The following CNTN6 variants were observed in gnomAD, a reference collection of about 807,000 sequenced individuals.
CNTN6 encodes the protein contactin-6.
Under a neutral mutation model 122.8 loss-of-function variants are expected in CNTN6, and 137 were observed. The observed-to-expected ratio is 1.12, with a 90% CI of 0.97 to 1.29. The LOEUF is 1.29. CNTN6 is among the 50% of genes most tolerant of loss of function. The probability of loss-of-function intolerance (pLI) is 0.00; values close to 1 mark genes in which losing one functional copy is unlikely to be tolerated. For missense variants in CNTN6, 1,634 were observed against 1,223.4 expected (o/e 1.34, Z -5.01); for synonymous variants, 570 against 426.0 (o/e 1.34, Z -4.16).
chr3:1,317,387 G>A (rs1264868548), intron 7 of CNTN6, among the ~76,000 whole-genome samples: 1 of 151,704 alleles, frequency 6.6e-6, no homozygotes, highest in African/African-American at 2.4e-5. Context: ...TGTCAGGTCT[G>A]TTCTGGATGA....
chr3:1,372,434 A>G lies in CNTN6; in HGVS notation c.1628A>G (p.Asp543Gly), dbSNP rs1559949312. The stretch of plus-strand genomic sequence containing the variant: ...TGGTTTTTCAATGGAGATGTCATAG[A>G]CTTAAAAAAAGGAGTGGCTCATTTT... ...FVWFFNGDVI[D>G]LKKGVAHFER... Residue 543 changes from aspartate to glycine, a missense_variant, in exon 13 of 23, where the codon GAC becomes GGC. Coordinates refer to ENST00000446702, the MANE Select transcript of CNTN6 (RefSeq NM_001289080.2). The G allele has an allele frequency of 6.2e-7, 1 of 1,612,438 alleles. No individual in the cohort carries two copies. Among genetic ancestry groups the G allele is most frequent in the Non-Finnish European group, 8.5e-7 (1 of 1,179,330 alleles).
intron 11 of CNTN6, among the ~76,000 whole-genome samples, chr3:1,330,612 T>C (rs1028629178): frequency 1.3e-5 from 2 of 151,866 alleles, no homozygotes; most frequent in African/African-American, 2.4e-5. Context: ...CTCACATGTG[T>C]TACTCTATAA....
At chr3:1,307,108 G>C (rs1030837843) in intron 7 of CNTN6, among the ~76,000 whole-genome samples, 1 of 152,144 alleles carries the variant, frequency 6.6e-6, no homozygotes, top group Non-Finnish European at 1.5e-5. Context: ...CCCCGGGGAG[G>C]TTGCAGGCTA....
At chr3:1,172,235 C>G (rs1575111783) in intron 2 of CNTN6, among the ~76,000 whole-genome samples, 1 of 152,202 alleles carries the variant, frequency 6.6e-6, no homozygotes, top group South Asian at 2.1e-4. Context: ...CCCCAGTTCT[C>G]TCTTTTATCA....
intron 2 of CNTN6, among the ~76,000 whole-genome samples, chr3:1,175,632 G>T (rs1248998808): frequency 6.6e-6 from 1 of 152,152 alleles, no homozygotes; most frequent in Admixed American, 6.5e-5. Context: ...CTGCAAGAGG[G>T]CAGTAGAGCA....
chr3:1,316,954 G>C (rs1245707525), intron 7 of CNTN6, among the ~76,000 whole-genome samples: 1 of 151,804 alleles, frequency 6.6e-6, no homozygotes, highest in African/African-American at 2.4e-5. Context: ...TCATTAAAAT[G>C]CATACATATT....
intron 17 of CNTN6, among the ~76,000 whole-genome samples, chr3:1,380,772 G>A (rs185468524): frequency 6.6e-6 from 1 of 152,316 alleles, no homozygotes; most frequent in East Asian, 1.9e-4. Context: ...CATGCCAGAT[G>A]TGGCTAGAAG....
At chr3:1,121,505 C>CT (rs1365789512) in intron 1 of CNTN6, among the ~76,000 whole-genome samples, 1 of 151,824 alleles carries the variant, frequency 6.6e-6, no homozygotes, top group Non-Finnish European at 1.5e-5. Context: ...AATAACAGAA[C>CT]TTTAAGTAAG....
At chr3:1,386,289 G>A (rs1692917848) in intron 20 of CNTN6, among the ~76,000 whole-genome samples, 1 of 152,114 alleles carries the variant, frequency 6.6e-6, no homozygotes, top group Non-Finnish European at 1.5e-5. Context: ...TTGAGTCCGA[G>A]TATATTCACA....
chr3:1,109,623 A>C (rs1340489624), intron 1 of CNTN6, among the ~76,000 whole-genome samples: 1 of 151,934 alleles, frequency 6.6e-6, no homozygotes, highest in Non-Finnish European at 1.5e-5. Context: ...AACACACAAA[A>C]ATTTACATTA....
chr3:1,170,231 C>A (rs2093334819), intron 2 of CNTN6, among the ~76,000 whole-genome samples: 3 of 79,692 alleles, frequency 3.8e-5, no homozygotes, highest in African/African-American at 5.1e-5. Flanking sequence ...AGTAAGGCTC[C>A]ATCTCAAAAA....
chr3:1,367,896 G>A (rs564278607), intron 12 of CNTN6, among the ~76,000 whole-genome samples: 3 of 152,284 alleles, frequency 2.0e-5, no homozygotes, highest in African/African-American at 7.2e-5. Flanking sequence ...CAAGGTGGGA[G>A]GCCAGCTTGC....
chr3:1,395,697 G>C (rs948005416), intron 20 of CNTN6, among the ~76,000 whole-genome samples: 2 of 152,072 alleles, frequency 1.3e-5, no homozygotes, highest in Admixed American at 1.3e-4. Flanking sequence ...AAAGTAATGT[G>C]TCCACAGGTA....
At chr3:1,292,571 A>G (rs1344060045) in intron 5 of CNTN6, among the ~76,000 whole-genome samples, 1 of 152,186 alleles carries the variant, frequency 6.6e-6, no homozygotes, top group Non-Finnish European at 1.5e-5. Flanking sequence ...AAGCTTCTTT[A>G]GTGATTCTAA....
chr3:1,293,277 C>G (rs903307466), intron 5 of CNTN6, among the ~76,000 whole-genome samples: 7 of 150,970 alleles, frequency 4.6e-5, no homozygotes, highest in Admixed American at 2.0e-4. Context: ...TTATTTCTTC[C>G]TTCCTAAAAT....
chr3:1,385,809 T>C lies in CNTN6; in HGVS notation c.2704+12T>C. 9 of 1,598,910 alleles carry C rather than the reference T, an allele frequency of 5.6e-6. No individual in the cohort carries two copies. Among genetic ancestry groups the C allele is most frequent in the Non-Finnish European group, 6.0e-6 (7 of 1,173,514 alleles). ...CACCAAAAAGTCTCGTAAGTATGCA[T>C]ACACTCCAGGAAACAAGATTCATCT... On this transcript the variant is annotated intron_variant, in intron 20 of 22. Coordinates refer to ENST00000446702, the MANE Select transcript of CNTN6 (RefSeq NM_001289080.2).
intron 1 of CNTN6, among the ~76,000 whole-genome samples, chr3:1,110,085 C>T (rs1342615387): frequency 6.6e-6 from 1 of 151,996 alleles, no homozygotes; most frequent in Non-Finnish European, 1.5e-5. Context: ...TGACCAATGT[C>T]CTTCTTTAGG....
intron 2 of CNTN6, among the ~76,000 whole-genome samples, chr3:1,161,433 G>A (rs901749145): frequency 6.6e-5 from 10 of 150,536 alleles, no homozygotes; most frequent in Admixed American, 2.0e-4. Context: ...ATTGACTTAT[G>A]GAATTTGTAA....
At chr3:1,278,010 C>T (rs1157608916) in intron 4 of CNTN6, among the ~76,000 whole-genome samples, 2 of 152,190 alleles carry the variant, frequency 1.3e-5, no homozygotes, top group African/African-American at 4.8e-5. Flanking sequence ...CTCATAGATG[C>T]CAGTCACACT....
Sources: gnomAD v4.1 joint callset for allele counts (sites outside exome capture counted in the v4.1 genomes callset) on GRCh38, gnomAD v4.1.1 for gene constraint, MANE v1.5 for transcripts, NCBI Gene and HGNC (gene_info 2026-07-23, HGNC 2026-07-21) for gene names.